Variants in RBFA observed in about 807,000 individuals in gnomAD.
RBFA encodes the protein ribosome binding factor A, also known as putative ribosome-binding factor A, mitochondrial.
RBFA carries 16 observed loss-of-function variants against 27.9 expected under a neutral mutation model. The ratio of observed to expected loss-of-function variants is 0.57; its 90% CI spans 0.39 to 0.87. RBFA has a LOEUF of 0.87. Ranked by LOEUF, RBFA falls within the 40% of genes least tolerant of loss-of-function variation. The pLI is 0.00. For synonymous variants in RBFA, 181 were observed against 181.0 expected (o/e 1.00, Z 0.00); for missense variants, 456 against 432.1 (o/e 1.06, Z -0.49).
At chr18:80,037,859 A>T (rs2051991187) in intron 3 of RBFA, among the ~76,000 whole-genome samples, 1 of 149,544 alleles carries the variant, frequency 6.7e-6, no homozygotes, top group South Asian at 2.2e-4. Flanking sequence ...TCTGCACTCC[A>T]CCCTGGGTGA....
chr18:80,045,432 G>A (rs1251902181), intron 6 of RBFA, among the ~76,000 whole-genome samples: 1 of 151,998 alleles, frequency 6.6e-6, no homozygotes, highest in African/African-American at 2.4e-5. Context: ...TCACCATGTT[G>A]GCCAGGCTGG....
intron 5 of RBFA, among the ~76,000 whole-genome samples, chr18:80,042,547 G>T (rs949563815): frequency 6.6e-6 from 1 of 152,282 alleles, no homozygotes; most frequent in African/African-American, 2.4e-5. Context: ...GAGGCAGGTG[G>T]ATCACAAGGT....
At position 80,044,298 on chromosome 18, in the gene RBFA, G is replaced by A; in HGVS notation, c.650+13G>A. The A allele has an allele frequency of 6.2e-7, 1 of 1,611,824 alleles. No homozygotes were observed. Among genetic ancestry groups the A allele is most frequent in the South Asian group, 1.1e-5 (1 of 91,028 alleles). ...AAAATGATTTCAGGTGACGCATGTG[G>A]ACATATGTTTTGATTCCCTGGGGTA... is the stretch of plus-strand genomic sequence containing the variant. On this transcript the variant is annotated intron_variant, in intron 6 of 6. Transcript: ENST00000306735.
chr18:80,049,122 C>T lies in RBFA; in HGVS notation c.*2967C>T, dbSNP rs149197948. On this transcript the variant is annotated 3_prime_UTR_variant, in exon 7 of 7. Transcript: ENST00000306735. Reference sequence around the variant, plus strand: ...CGAGTTAGGGACACGGAAGCTCACCCGCTTCTGAATGGGTCCACTCCTGGG... The same window carrying T: ...CGAGTTAGGGACACGGAAGCTCACCTGCTTCTGAATGGGTCCACTCCTGGG... Among the ~76,000 whole-genome samples, 171 of 152,248 alleles carry T rather than the reference C, an allele frequency of 1.1e-3. No individual in the cohort carries two copies. Among genetic ancestry groups the T allele is most frequent in the East Asian group, 4.6e-3 (24 of 5,182 alleles).
chr18:80,045,694 G>A, intron 6 of RBFA, 80 bp from the exon 7 acceptor site: 1 of 1,439,386 alleles, frequency 6.9e-7, no homozygotes, highest in South Asian at 1.6e-5. Flanking sequence ...GAAGTGTGAT[G>A]TGCTGTTGTG....
chr18:80,036,479 C>A (rs2051979639), intron 1 of RBFA, among the ~76,000 whole-genome samples, 189 bp from the exon 2 acceptor site: 1 of 152,214 alleles, frequency 6.6e-6, no homozygotes, highest in Non-Finnish European at 1.5e-5. Flanking sequence ...TGAATTAAAA[C>A]CATCTTCAGC....
intron 4 of RBFA, among the ~76,000 whole-genome samples, chr18:80,039,163 A>T (rs1470682694): frequency 6.6e-6 from 1 of 152,208 alleles, no homozygotes; most frequent in African/African-American, 2.4e-5. Flanking sequence ...AAAAATTAAA[A>T]AATTAACCAG....
chr18:80,035,453 C>T (rs2051971641), intron 1 of RBFA: 1 of 152,292 alleles, frequency 6.6e-6, no homozygotes, highest in South Asian at 2.1e-4. Flanking sequence ...TGGTCAGGTG[C>T]TTTGCAGGAT....
chr18:80,049,102 T>C lies in RBFA; in HGVS notation c.*2947T>C, dbSNP rs908045814. Among the ~76,000 whole-genome samples, 6 of 152,120 alleles carry C rather than the reference T, an allele frequency of 3.9e-5. No individual in the cohort carries two copies. Among genetic ancestry groups the C allele is most frequent in the African/African-American group, 1.4e-4 (6 of 41,408 alleles). On this transcript the variant is annotated 3_prime_UTR_variant, in exon 7 of 7. Transcript: ENST00000306735. ...GGCGTGGCCTTCCCTGGGAGCGAGT[T>C]AGGGACACGGAAGCTCACCCGCTTC...
intron 4 of RBFA, among the ~76,000 whole-genome samples, chr18:80,038,964 G>GT (rs2145144536): frequency 6.6e-6 from 1 of 152,362 alleles, no homozygotes; most frequent in South Asian, 2.1e-4. Context: ...AGCCAGTGCT[G>GT]TAGGGGCGCC....
At position 80,049,062 on chromosome 18, in the gene RBFA, G is replaced by A. The variant is rs2052077961; in HGVS notation, c.*2907G>A. On this transcript the variant is annotated 3_prime_UTR_variant, in exon 7 of 7. Coordinates refer to ENST00000306735, the MANE Select transcript of RBFA (RefSeq NM_024805.3). ...GCACGTTTCAGAGAAAACTGGCTTA[G>A]GCCTCCCTGTTTCTGGCGTGGCCTT... 6.6e-6 allele frequency among the ~76,000 whole-genome samples: 1 copy of A among 152,258 alleles called. No individual in the cohort carries two copies. Among genetic ancestry groups the A allele is most frequent in the Admixed American group, 6.5e-5 (1 of 15,292 alleles).
intron 4 of RBFA, among the ~76,000 whole-genome samples, chr18:80,039,163 AAATTAACCAGGCACAGTGG>A (rs2052001011): frequency 6.6e-6 from 1 of 152,208 alleles, no homozygotes; most frequent in Non-Finnish European, 1.5e-5. Context: ...AAAAATTAAA[AAATTAACCAGGCACAGTGG>A]CAGCACACGC....
chr18:80,043,506 G>A (rs1412637790), intron 5 of RBFA, among the ~76,000 whole-genome samples: 2 of 152,198 alleles, frequency 1.3e-5, no homozygotes, highest in Non-Finnish European at 2.9e-5. Flanking sequence ...TGGGGAGGAC[G>A]TGCCAGTCTC....
In RBFA at chr18:80,042,116, T is replaced by A. The variant is rs1568388890; in HGVS notation, c.492-19T>A. On this transcript the variant is annotated intron_variant, in intron 4 of 6. Coordinates refer to ENST00000306735, the MANE Select transcript of RBFA (RefSeq NM_024805.3). ...GTGTCACGGCACAGCTGTGAGGGTC[T>A]GTGCGTTCTGTCTCCTAGGCACCTT... 4 of 1,583,408 alleles carry A rather than the reference T, an allele frequency of 2.5e-6. No homozygotes were observed. Among genetic ancestry groups the A allele is most frequent in the Non-Finnish European group, 1.7e-6 (2 of 1,160,000 alleles).
chr18:80,043,379 G>C (rs1297481272), intron 5 of RBFA, among the ~76,000 whole-genome samples: 1 of 152,184 alleles, frequency 6.6e-6, no homozygotes, highest in East Asian at 1.9e-4. Context: ...TGACAGATTC[G>C]TGATTTCCCT....
At position 80,044,392 on chromosome 18, in the gene RBFA, G is replaced by A. The variant is rs902226011; in HGVS notation, c.650+107G>A. The A allele has an allele frequency of 1.8e-5, 18 of 990,300 alleles. No homozygotes were observed. In the African/African-American group the frequency reaches 2.9e-4, roughly 16 times the overall value. 61.3% of individuals were successfully genotyped at this position (990,300 alleles called of 1,614,324 possible). On this transcript the variant is annotated intron_variant, in intron 6 of 6. Coordinates refer to ENST00000306735, the MANE Select transcript of RBFA (RefSeq NM_024805.3). ...GCGCCACATCCCGAGTAGCCTGCAT[G>A]ATCCCCATGGCACTTGCCTCCAGGG... is the stretch of plus-strand genomic sequence containing the variant.
chr18:80,037,914 C>T (rs2051991916), intron 3 of RBFA, among the ~76,000 whole-genome samples: 1 of 151,596 alleles, frequency 6.6e-6, no homozygotes, highest in Admixed American at 6.6e-5. Flanking sequence ...CACTTTAGCA[C>T]TTATGAAGTC....
Position 80,048,857 on chromosome 18 carries a change from T to C in RBFA, c.*2702T>C, listed in dbSNP as rs56211502. Among the ~76,000 whole-genome samples the C allele has an allele frequency of 5.0e-3, 519 of 104,014 alleles. 4 individuals carry two copies. The highest frequency in any genetic ancestry group is 0.017 in the African/African-American group (403 of 24,226). 68.2% of individuals were successfully genotyped at this position (104,014 alleles called of 152,430 possible). ...CCTCCTAGAAAGTGGAGTGTGGGCA[T>C]GTTTGCAGGGGATCCAACCAGGCGT... On this transcript the variant is annotated 3_prime_UTR_variant, in exon 7 of 7. Transcript: ENST00000306735.
chr18:80,039,718 A>G (rs1461925972), intron 4 of RBFA, among the ~76,000 whole-genome samples: 1 of 152,224 alleles, frequency 6.6e-6, no homozygotes, highest in East Asian at 1.9e-4. Context: ...GTGCTGTTGT[A>G]TGATAAACTG....
Sources: gnomAD v4.1 joint callset for allele counts (sites outside exome capture counted in the v4.1 genomes callset) on GRCh38, gnomAD v4.1.1 for gene constraint, MANE v1.5 for transcripts, NCBI Gene and HGNC (gene_info 2026-07-23, HGNC 2026-07-21) for gene names.